Variants in ABLIM1 observed in about 807,000 individuals in gnomAD.
ABLIM1 encodes the protein actin-binding LIM protein 1.
Under a neutral mutation model 107.0 loss-of-function variants are expected in ABLIM1, and 40 were observed. That is an observed-to-expected ratio of 0.37 (90% CI 0.29 to 0.49). The LOEUF is 0.49. Among genes scored for constraint, ABLIM1 ranks in the 20% least tolerant of loss-of-function variants. ABLIM1 has a pLI of 0.97. For synonymous variants in ABLIM1, 357 were observed against 357.3 expected, an observed-to-expected ratio of 1.00 and a Z score of 0.01; for missense variants, 857 against 1,008.5, an observed-to-expected ratio of 0.85 and a Z score of 2.04.
chr10:114,697,487 G>A (rs1422504023), intron 1 of ABLIM1, among the ~76,000 whole-genome samples: 1 of 152,226 alleles, frequency 6.6e-6, no homozygotes, highest in African/African-American at 2.4e-5. Flanking sequence ...CACTCAGCCC[G>A]GGGCAGTGGC....
At chr10:114,605,616 A>G (rs1475536725) in intron 1 of ABLIM1, among the ~76,000 whole-genome samples, 2 of 152,176 alleles carry the variant, frequency 1.3e-5, no homozygotes, top group African/African-American at 4.8e-5. Flanking sequence ...CAAACCTTCC[A>G]TGGCTCATCA....
intron 1 of ABLIM1, among the ~76,000 whole-genome samples, chr10:114,750,096 T>TG (rs1330003717): frequency 6.6e-6 from 1 of 152,212 alleles, no homozygotes; most frequent in East Asian, 1.9e-4. Context: ...ATCTGTTGTG[T>TG]GCACTGCTAC....
chr10:114,660,290 A>T (rs934512216), upstream of ABLIM1, among the ~76,000 whole-genome samples: 1 of 152,188 alleles, frequency 6.6e-6, no homozygotes, highest in African/African-American at 2.4e-5. Context: ...AAGATGTTCT[A>T]TCAATGTTTC....
At chr10:114,648,948 T>TA (rs113989664) in intron 1 of ABLIM1, among the ~76,000 whole-genome samples, 96 of 149,704 alleles carry the variant, frequency 6.4e-4, no homozygotes, top group African/African-American at 1.9e-3. Flanking sequence ...CAACTGAACT[T>TA]AAAAAAAAAA....
chr10:114,682,786 T>C (rs1251432419), intron 1 of ABLIM1, among the ~76,000 whole-genome samples: 1 of 152,122 alleles, frequency 6.6e-6, no homozygotes, highest in African/African-American at 2.4e-5. Flanking sequence ...GAAAGAACGT[T>C]GTTCTTTCTG....
At chr10:114,753,084 T>C (rs1271297540) in intron 1 of ABLIM1, among the ~76,000 whole-genome samples, 2 of 152,160 alleles carry the variant, frequency 1.3e-5, no homozygotes, top group Non-Finnish European at 2.9e-5. Flanking sequence ...GGCAATGAGG[T>C]TGGCTTTAAA....
In ABLIM1 at chr10:114,432,026, C is replaced by A. The variant is rs1565147241; in HGVS notation, c.*4234G>T. The A allele has an allele frequency of 6.6e-6, 1 of 152,102 alleles. No individual in the cohort carries two copies. Among genetic ancestry groups the A allele is most frequent in the Non-Finnish European group, 1.5e-5 (1 of 68,022 alleles). 9.4% of individuals were successfully genotyped at this position (152,102 alleles called of 1,614,324 possible). ...GTGAAGGTTTCTCTTTCTTCTATCA[C>A]AACATAGTTGGGTAGTTCCCTTAAA... is the stretch of plus-strand genomic sequence containing the variant. On this transcript the variant is annotated 3_prime_UTR_variant, in exon 23 of 23. Transcript: ENST00000533213.
At chr10:114,529,600 G>A (rs1308546279) in intron 6 of ABLIM1, among the ~76,000 whole-genome samples, 1 of 152,216 alleles carries the variant, frequency 6.6e-6, no homozygotes, top group Non-Finnish European at 1.5e-5. Flanking sequence ...AGAACGCCGT[G>A]TGGAGTCAAG....
chr10:114,748,752 G>A (rs190448493), intron 1 of ABLIM1, among the ~76,000 whole-genome samples: 1 of 151,246 alleles, frequency 6.6e-6, no homozygotes, highest in African/African-American at 2.4e-5. Context: ...AAACTCCTAG[G>A]CTCTAGCAAC....
intron 8 of ABLIM1, among the ~76,000 whole-genome samples, chr10:114,477,581 G>A (rs1467318580): frequency 2.0e-5 from 3 of 152,204 alleles, no homozygotes; most frequent in Non-Finnish European, 2.9e-5. Flanking sequence ...CTCTTGTACT[G>A]CATGTACTGG....
intron 6 of ABLIM1, among the ~76,000 whole-genome samples, chr10:114,518,479 G>C (rs1340189071): frequency 6.6e-6 from 1 of 151,870 alleles, no homozygotes; most frequent in Non-Finnish European, 1.5e-5. Flanking sequence ...AGCAGACCTA[G>C]AGACTATGTA....
chr10:114,741,781 T>C (rs1160172858), intron 1 of ABLIM1, among the ~76,000 whole-genome samples: 1 of 152,222 alleles, frequency 6.6e-6, no homozygotes. Context: ...ATAATAAGAT[T>C]CTTTTTGTTC....
upstream of ABLIM1, among the ~76,000 whole-genome samples, chr10:114,662,749 T>C (rs1193772355): frequency 6.6e-6 from 1 of 152,204 alleles, no homozygotes; most frequent in East Asian, 1.9e-4. Context: ...AGATACTACA[T>C]AAAATCTGCT....
intron 1 of ABLIM1, among the ~76,000 whole-genome samples, chr10:114,650,051 T>G (rs1346046195): frequency 2.0e-5 from 3 of 152,134 alleles, no homozygotes; most frequent in African/African-American, 7.2e-5. Flanking sequence ...GAGACGGGGT[T>G]TCACTATGTT....
chr10:114,770,257 G>A (rs1291065818), upstream of ABLIM1, among the ~76,000 whole-genome samples: 1 of 152,072 alleles, frequency 6.6e-6, no homozygotes, highest in Non-Finnish European at 1.5e-5. Flanking sequence ...CACATATTAT[G>A]TACCAGTCTC....
intron 1 of ABLIM1, among the ~76,000 whole-genome samples, chr10:114,672,756 T>C (rs191270235): frequency 7.2e-5 from 11 of 152,336 alleles, no homozygotes; most frequent in Admixed American, 7.2e-4. Context: ...GTTTTAGCTT[T>C]TATGTTCCAT....
At chr10:114,522,808 A>T (rs958030127) in intron 6 of ABLIM1, among the ~76,000 whole-genome samples, 1 of 152,208 alleles carries the variant, frequency 6.6e-6, no homozygotes, top group Non-Finnish European at 1.5e-5. Flanking sequence ...TCTGCAGCTT[A>T]AGGTACAAGA....
At chr10:114,502,317 C>T (rs17717412) in intron 6 of ABLIM1, 2,318 of 157,708 alleles carry the variant, frequency 0.015, 31 homozygotes, top group Non-Finnish European at 0.022. Flanking sequence ...CCAGGCATTT[C>T]CTTTGCACTT....
chr10:114,723,005 T>C (rs978383558), intron 1 of ABLIM1, among the ~76,000 whole-genome samples: 1 of 152,216 alleles, frequency 6.6e-6, no homozygotes, highest in Non-Finnish European at 1.5e-5. Context: ...ATTATTTACA[T>C]GTCTGTTTCA....
Sources: gnomAD v4.1 joint callset for allele counts (sites outside exome capture counted in the v4.1 genomes callset) on GRCh38, gnomAD v4.1.1 for gene constraint, MANE v1.5 for transcripts, NCBI Gene and HGNC (gene_info 2026-07-23, HGNC 2026-07-21) for gene names.